HIVEP1: variants seen among roughly 807,000 people sequenced by gnomAD.
The protein encoded by HIVEP1 is HIVEP zinc finger 1.
In HIVEP1, 36 loss-of-function variants were observed where a neutral mutation model predicts 180.0. The observed-to-expected ratio is 0.20, with a 90% CI of 0.15 to 0.26. The LOEUF is 0.26. HIVEP1 is among the 10% of genes least tolerant of loss of function. The pLI is 1.00. For missense variants in HIVEP1, 3,143 were observed against 3,268.7 expected (o/e 0.96, Z 0.94); for synonymous variants, 1,239 against 1,239.0 (o/e 1.00, Z 0.00).
At chr6:12,165,630 T>G (rs1760681744), downstream of HIVEP1, among the ~76,000 whole-genome samples, 1 of 152,254 alleles carries the variant, frequency 6.6e-6, no homozygotes, top group Admixed American at 6.5e-5. Context: ...GTGCAGTGAT[T>G]TGCATTATTA....
chr6:12,027,886 CT>C (rs1172831515), intron 2 of HIVEP1, among the ~76,000 whole-genome samples: 1 of 152,142 alleles, frequency 6.6e-6, no homozygotes, highest in Non-Finnish European at 1.5e-5. Context: ...CCTAATAATT[CT>C]TTTTTTCTGG....
chr6:12,187,343 G>T, the HIVEP1 span, among the ~76,000 whole-genome samples: 4 of 152,138 alleles, frequency 2.6e-5, no homozygotes, highest in Admixed American at 6.6e-5. Context: ...AACCTCTCAT[G>T]AATGGATTAA....
intron 3 of HIVEP1, among the ~76,000 whole-genome samples, chr6:12,105,356 G>A (rs1435327366): frequency 2.6e-5 from 4 of 152,112 alleles, no homozygotes; most frequent in Non-Finnish European, 4.4e-5. Context: ...TGTCAGAACC[G>A]CCCAGCCTTT....
intron 2 of HIVEP1, among the ~76,000 whole-genome samples, chr6:12,059,466 T>G (rs1411540582): frequency 1.3e-5 from 2 of 152,258 alleles, no homozygotes; most frequent in Non-Finnish European, 2.9e-5. Flanking sequence ...ATTGTGTTAT[T>G]GTGTTATCTA....
intron 7 of HIVEP1, among the ~76,000 whole-genome samples, chr6:12,156,576 TC>T (rs1210370247): frequency 1.3e-5 from 2 of 152,208 alleles, no homozygotes; most frequent in African/African-American, 2.4e-5. Flanking sequence ...TCTATTTTGT[TC>T]CGTTGATCTA....
intron 6 of HIVEP1, among the ~76,000 whole-genome samples, chr6:12,134,479 A>C (rs189949790): frequency 1.3e-5 from 2 of 152,324 alleles, no homozygotes; most frequent in African/African-American, 4.8e-5. Flanking sequence ...TGCATTTATC[A>C]GGAAATTGAA....
At chr6:12,117,964 C>CACTG (rs1167163330) in intron 3 of HIVEP1, among the ~76,000 whole-genome samples, 3 of 152,172 alleles carry the variant, frequency 2.0e-5, no homozygotes, top group Non-Finnish European at 4.4e-5. Context: ...AAAAGTGCAT[C>CACTG]ACTGACTTTC....
At chr6:12,172,507 C>T in the HIVEP1 span, among the ~76,000 whole-genome samples, 173 of 152,038 alleles carry the variant, frequency 1.1e-3, no homozygotes, top group African/African-American at 4.0e-3. Context: ...GGAAATTTTC[C>T]TGGCTCAAAG....
At chr6:12,180,603 C>A in the HIVEP1 span, among the ~76,000 whole-genome samples, 1 of 152,082 alleles carries the variant, frequency 6.6e-6, no homozygotes, top group African/African-American at 2.4e-5. Flanking sequence ...GAAAGATATT[C>A]GGTGTTTCCT....
the HIVEP1 span, among the ~76,000 whole-genome samples, chr6:12,199,979 C>A: frequency 6.6e-6 from 1 of 152,034 alleles, no homozygotes; most frequent in Non-Finnish European, 1.5e-5. Flanking sequence ...CTTGGGAATC[C>A]CCATTCTGAT....
intron 3 of HIVEP1, among the ~76,000 whole-genome samples, chr6:12,107,670 T>TA (rs1478664147): frequency 6.6e-6 from 1 of 152,206 alleles, no homozygotes; most frequent in Non-Finnish European, 1.5e-5. Flanking sequence ...TGGTGAGTGT[T>TA]ACAGCTCATA....
intron 2 of HIVEP1, among the ~76,000 whole-genome samples, chr6:12,028,990 G>A (rs1768760562): frequency 6.6e-6 from 1 of 151,968 alleles, no homozygotes; most frequent in African/African-American, 2.4e-5. Flanking sequence ...TTTTTTCATT[G>A]TTTGAGATTA....
intron 7 of HIVEP1, among the ~76,000 whole-genome samples, chr6:12,155,766 G>T (rs929410175): frequency 6.6e-6 from 1 of 152,198 alleles, no homozygotes; most frequent in Non-Finnish European, 1.5e-5. Context: ...TATATACCCA[G>T]TAATGTGATT....
At chr6:12,011,598 C>T (rs1042425930), upstream of HIVEP1, among the ~76,000 whole-genome samples, 10 of 149,762 alleles carry the variant, frequency 6.7e-5, no homozygotes, top group Non-Finnish European at 1.3e-4. Flanking sequence ...GCTGCCACCT[C>T]CTCCCGCGTC....
At chr6:12,135,295 G>C (rs1266687863) in intron 6 of HIVEP1, among the ~76,000 whole-genome samples, 1 of 152,196 alleles carries the variant, frequency 6.6e-6, no homozygotes, top group East Asian at 1.9e-4. Context: ...GAAGCAATTG[G>C]AAAACTGCTT....
At chr6:12,155,353 T>C (rs1759969013) in intron 7 of HIVEP1, among the ~76,000 whole-genome samples, 1 of 152,132 alleles carries the variant, frequency 6.6e-6, no homozygotes, top group Non-Finnish European at 1.5e-5. Context: ...ACAAACCATC[T>C]CATCATCTCA....
At chr6:12,024,671 T>A (rs1369809772) in intron 2 of HIVEP1, among the ~76,000 whole-genome samples, 1 of 152,236 alleles carries the variant, frequency 6.6e-6, no homozygotes, top group Non-Finnish European at 1.5e-5. Context: ...CTTAATATAG[T>A]ATCCAGATGG....
chr6:12,063,527 G>T lies in HIVEP1; in HGVS notation c.41-25657G>T, dbSNP rs1451813776. Among the ~76,000 whole-genome samples the T allele has an allele frequency of 6.6e-5, 10 of 152,170 alleles. No individual in the cohort carries two copies. Among genetic ancestry groups the T allele is most frequent in the Non-Finnish European group, 1.3e-4 (9 of 68,034 alleles). On this transcript the variant is annotated intron_variant, in intron 2 of 8. Transcript: ENST00000379388. The surrounding 1 kb of genome is among the most constrained non-coding windows in gnomAD (Gnocchi z 4.2). ...TGGCAGGTGTGGCTGCACGTGGAAG[G>T]TGGGTTGGAAGGCAGGGAAGGGCAG...
intron 2 of HIVEP1, among the ~76,000 whole-genome samples, chr6:12,057,459 C>T (rs1370859860): frequency 6.6e-6 from 1 of 152,146 alleles, no homozygotes; most frequent in African/African-American, 2.4e-5. Flanking sequence ...GGTAGTTTTG[C>T]ATGTGAGTAT....
Sources: allele counts gnomAD v4.1 joint callset (sites outside exome capture counted in the v4.1 genomes callset), GRCh38; gene constraint gnomAD v4.1.1; non-coding constraint Gnocchi (gnomAD v3.1); transcripts MANE v1.5; gene names NCBI Gene and HGNC (gene_info 2026-07-23, HGNC 2026-07-21).